CDC42SE2: variants seen among roughly 807,000 people sequenced by gnomAD.
CDC42SE2 encodes CDC42 small effector protein 2.
Under a neutral mutation model 11.5 loss-of-function variants are expected in CDC42SE2, and 3 were observed. The ratio of observed to expected loss-of-function variants is 0.26; its 90% CI spans 0.12 to 0.67. The LOEUF is 0.67. Ranked by LOEUF, CDC42SE2 falls within the 30% of genes least tolerant of loss-of-function variation. CDC42SE2 has a pLI of 0.80. For synonymous variants in CDC42SE2, 33 were observed against 34.8 expected (o/e 0.95, Z 0.18); for missense variants, 82 against 106.8 (o/e 0.77, Z 1.02).
At chr5:131,384,203 T>A (rs1321613866) in intron 3 of CDC42SE2, among the ~76,000 whole-genome samples, 1 of 152,224 alleles carries the variant, frequency 6.6e-6, no homozygotes, top group Non-Finnish European at 1.5e-5. Context: ...CAGGGTTTTT[T>A]GTGGTTGTTG....
chr5:131,298,582 A>T (rs1040672478), intron 1 of CDC42SE2, among the ~76,000 whole-genome samples: 2 of 150,510 alleles, frequency 1.3e-5, no homozygotes, highest in Non-Finnish European at 2.9e-5. Flanking sequence ...GCATCCCAGT[A>T]TCTTTTTGGG....
intron 2 of CDC42SE2, among the ~76,000 whole-genome samples, chr5:131,355,127 C>G (rs1749494296): frequency 6.6e-6 from 1 of 152,150 alleles, no homozygotes; most frequent in African/African-American, 2.4e-5. Flanking sequence ...TACATTACTT[C>G]TGGTCCCAAG....
intron 1 of CDC42SE2, among the ~76,000 whole-genome samples, chr5:131,301,300 A>G (rs919286402): frequency 3.3e-5 from 5 of 152,188 alleles, no homozygotes; most frequent in Non-Finnish European, 7.3e-5. Flanking sequence ...AGTTAATAAC[A>G]TATAGCTTCA....
chr5:131,236,678 C>T, the CDC42SE2 span, among the ~76,000 whole-genome samples: 3 of 152,172 alleles, frequency 2.0e-5, no homozygotes, highest in African/African-American at 4.8e-5. Flanking sequence ...CTGCCCACCT[C>T]GGCCTCTCAT....
intron 1 of CDC42SE2, among the ~76,000 whole-genome samples, chr5:131,279,450 C>CA (rs1757188158): frequency 1.0e-5 from 1 of 96,224 alleles, no homozygotes; most frequent in Non-Finnish European, 1.8e-5. Flanking sequence ...TTTCTCAGCC[C>CA]TCCCCCCCCC....
intron 1 of CDC42SE2, among the ~76,000 whole-genome samples, chr5:131,281,261 C>T (rs755776653): frequency 6.6e-6 from 1 of 152,146 alleles, no homozygotes; most frequent in East Asian, 1.9e-4. Flanking sequence ...TTTTCTCTTA[C>T]CCCCTTGTGC....
chr5:131,311,443 G>A (rs1757911487), intron 1 of CDC42SE2, among the ~76,000 whole-genome samples: 1 of 151,476 alleles, frequency 6.6e-6, no homozygotes, highest in African/African-American at 2.4e-5. Flanking sequence ...TTCTCAAGGA[G>A]TATCTTTGTG....
At chr5:131,346,891 T>C (rs534594138) in intron 2 of CDC42SE2, among the ~76,000 whole-genome samples, 1 of 146,048 alleles carries the variant, frequency 6.8e-6, no homozygotes, top group Non-Finnish European at 1.5e-5. Flanking sequence ...AACAACCTGC[T>C]CCTGAATGAC....
chr5:131,213,064 C>G, the CDC42SE2 span, among the ~76,000 whole-genome samples: 4 of 152,106 alleles, frequency 2.6e-5, no homozygotes, highest in Non-Finnish European at 4.4e-5. Context: ...GTGGTACATG[C>G]CTGTAATCCC....
chr5:131,289,579 A>C (rs2149708090), intron 1 of CDC42SE2, among the ~76,000 whole-genome samples: 1 of 152,056 alleles, frequency 6.6e-6, no homozygotes, highest in Non-Finnish European at 1.5e-5. Context: ...AGGCTGAGGC[A>C]GGAGAATGGC....
rs1027855049 is a variant in CDC42SE2, at chr5:131,385,553, G to A, written c.65G>A (p.Arg22Gln). The A allele has an allele frequency of 1.9e-6, 3 of 1,612,994 alleles. No individual in the cohort carries two copies. The highest frequency in any genetic ancestry group is 1.3e-5 in the African/African-American group (1 of 75,020). ...IAEQPQPKRRRRIDRSMIGEP... is the reference protein window; with the variant it reads ...IAEQPQPKRRQRIDRSMIGEP... ...TTCCCCATATTTTAGAAAAGGCGACGGCGGATTGACAGAAGTATGATTGGA... is the reference window on the plus strand; with the variant it reads ...TTCCCCATATTTTAGAAAAGGCGACAGCGGATTGACAGAAGTATGATTGGA... Residue 22 changes from arginine (R) to glutamine (Q), a missense_variant, in exon 4 of 5, where the codon CGG (arginine) becomes CAG (glutamine). By Grantham distance (43) the Arg-to-Gln change is conservative. Transcript: ENST00000505065.
intron 2 of CDC42SE2, among the ~76,000 whole-genome samples, chr5:131,322,724 C>T (rs1758217269): frequency 6.6e-6 from 1 of 152,146 alleles, no homozygotes; most frequent in Non-Finnish European, 1.5e-5. Context: ...GCTTCTACCT[C>T]TTGGCTGTTG....
chr5:131,345,627 C>G (rs1289959407), intron 2 of CDC42SE2, among the ~76,000 whole-genome samples: 1 of 152,082 alleles, frequency 6.6e-6, no homozygotes. Context: ...GGCCAACATT[C>G]AAATTCAGGA....
At chr5:131,352,166 T>A (rs954382093) in intron 2 of CDC42SE2, among the ~76,000 whole-genome samples, 1 of 152,202 alleles carries the variant, frequency 6.6e-6, no homozygotes, top group Non-Finnish European at 1.5e-5. Flanking sequence ...AAGGAATAAC[T>A]GGAACTCTCA....
upstream of CDC42SE2, among the ~76,000 whole-genome samples, chr5:131,262,606 G>A (rs2149686821): frequency 6.6e-6 from 1 of 152,134 alleles, no homozygotes; most frequent in East Asian, 1.9e-4. Context: ...AGTATCCGAG[G>A]GGGATTGGCT....
rs192127180 is a variant in CDC42SE2 at position 131,322,932 on chromosome 5, C to T, written c.-286+6788C>T. Among the ~76,000 whole-genome samples the T allele has an allele frequency of 2.6e-5, 4 of 152,306 alleles. 1 individual carries two copies. The highest frequency in any genetic ancestry group is 5.9e-5 in the Non-Finnish European group (4 of 68,028). On this transcript the variant is annotated intron_variant, in intron 2 of 4. Coordinates refer to ENST00000505065, the MANE Select transcript of CDC42SE2 (RefSeq NM_001375635.1). ...GTGCACAAAGATTTCCTCTTCACAT[C>T]CATGTCAGCATTTATTTTCTGTGTG... is the stretch of plus-strand genomic sequence containing the variant.
intron 1 of CDC42SE2, among the ~76,000 whole-genome samples, chr5:131,251,161 G>T (rs1414175100): frequency 6.6e-6 from 1 of 152,122 alleles, no homozygotes; most frequent in East Asian, 1.9e-4. Context: ...TTAACATTTT[G>T]TGTATCTGTT....
chr5:131,290,324 T>G (rs773464441), intron 1 of CDC42SE2, among the ~76,000 whole-genome samples: 30 of 152,162 alleles, frequency 2.0e-4, no homozygotes, highest in Non-Finnish European at 3.8e-4. Flanking sequence ...AACCTTATAC[T>G]GGGTTGAGGA....
At chr5:131,375,283 C>G (rs1238195581) in intron 3 of CDC42SE2, among the ~76,000 whole-genome samples, 1 of 151,994 alleles carries the variant, frequency 6.6e-6, no homozygotes, top group Non-Finnish European at 1.5e-5. Context: ...TCTCATCTGT[C>G]AAAAGCTGCA....
Sources: allele counts gnomAD v4.1 joint callset (sites outside exome capture counted in the v4.1 genomes callset), GRCh38; gene constraint gnomAD v4.1.1; transcripts MANE v1.5; gene names NCBI Gene and HGNC (gene_info 2026-07-23, HGNC 2026-07-21).